The following SOX5 variants were observed in gnomAD, a reference collection of about 807,000 sequenced individuals.
The protein encoded by SOX5 is transcription factor SOX-5.
SOX5 carries 9 observed loss-of-function variants against 92.0 expected under a neutral mutation model. That is an observed-to-expected ratio of 0.10 (90% confidence interval 0.06 to 0.17). SOX5 has a LOEUF of 0.17. SOX5 is among the 10% of genes least tolerant of loss of function. The probability of loss-of-function intolerance (pLI) is 1.00; values close to 1 mark genes in which losing one functional copy is unlikely to be tolerated. For missense variants in SOX5, 642 were observed against 944.5 expected (o/e 0.68, Z 4.20); for synonymous variants, 344 against 336.3 (o/e 1.02, Z -0.25).
At chr12:24,261,666 TTA>T (rs1208561640) in intron 3 of SOX5, among the ~76,000 whole-genome samples, 2 of 152,232 alleles carry the variant, frequency 1.3e-5, no homozygotes, top group Non-Finnish European at 2.9e-5. Context: ...ATTGACAGAC[TTA>T]TGTGTCGCTA....
At chr12:24,295,090 G>A (rs775008) in intron 2 of SOX5, among the ~76,000 whole-genome samples, 119,383 of 151,888 alleles carry the variant, frequency 0.79, 47,220 homozygotes, top group East Asian at 0.98. Context: ...CATGTATAAG[G>A]TATATATATG....
chr12:24,525,332 T>C (rs1348658837), intron 1 of SOX5, among the ~76,000 whole-genome samples: 3 of 152,072 alleles, frequency 2.0e-5, no homozygotes, highest in African/African-American at 4.8e-5. Flanking sequence ...TCTAAAATAG[T>C]CAAATTCCTA....
chr12:24,391,138 C>T lies in SOX5; in HGVS notation c.-250-22499G>A, dbSNP rs1449859050. Among the ~76,000 whole-genome samples the T allele has an allele frequency of 7.2e-5, 11 of 152,216 alleles. 1 individual carries two copies. The South Asian group carries it at 2.3e-3, about 32-fold the overall frequency. On this transcript the variant is annotated intron_variant, in intron 1 of 4. Transcript: ENST00000446891. ...CATTTTGACTGGTGTGAGATGGTAT[C>T]TCACTGTGGTTTTAATTTGCATTTC...
intron 8 of SOX5, among the ~76,000 whole-genome samples, chr12:23,637,301 C>A (rs1036094551): frequency 1.3e-5 from 2 of 152,068 alleles, no homozygotes; most frequent in Admixed American, 6.6e-5. Context: ...TTTATCACTA[C>A]CTACTTAAAA....
At chr12:23,837,272 T>G (rs10842233) in intron 3 of SOX5, among the ~76,000 whole-genome samples, 12,883 of 65,816 alleles carry the variant, frequency 0.2, 1,496 homozygotes, top group African/African-American at 0.31. Flanking sequence ...TAATATATAA[T>G]ATGTATTTAT....
chr12:23,743,263 A>G (rs957077027), intron 4 of SOX5, among the ~76,000 whole-genome samples: 2 of 152,224 alleles, frequency 1.3e-5, no homozygotes, highest in South Asian at 4.1e-4. Context: ...CTACATATTA[A>G]TAGTAGCTAT....
chr12:23,899,680 T>C (rs1355933784), intron 1 of SOX5, among the ~76,000 whole-genome samples: 1 of 152,222 alleles, frequency 6.6e-6, no homozygotes, highest in Non-Finnish European at 1.5e-5. Context: ...ACACTGGTCT[T>C]AGCTCACTTT....
intron 2 of SOX5, among the ~76,000 whole-genome samples, chr12:24,327,745 G>C (rs552570930): frequency 6.6e-6 from 1 of 151,708 alleles, no homozygotes; most frequent in African/African-American, 2.4e-5. Context: ...CACCACGCCC[G>C]GCTAATTTTT....
rs1037466797 is a variant in SOX5 at position 24,511,933 on chromosome 12, G to A, written c.-251+50396C>T. 4.0e-5 allele frequency among the ~76,000 whole-genome samples: 6 copies of A among 149,318 alleles called. No individual in the cohort carries two copies. The East Asian group carries it at 1.2e-3, about 30-fold the overall frequency. Reference sequence around the variant, plus strand: ...AGATCGTGCCACTGCACTCCAGCCTGGGCAACAGAGTGAGACTCCATCTCA... The same window carrying A: ...AGATCGTGCCACTGCACTCCAGCCTAGGCAACAGAGTGAGACTCCATCTCA... On this transcript the variant is annotated intron_variant, in intron 1 of 4. Coordinates refer to the SOX5 transcript ENST00000446891.
intron 1 of SOX5, among the ~76,000 whole-genome samples, chr12:23,912,838 T>C (rs1309484191): frequency 1.3e-5 from 2 of 151,382 alleles, no homozygotes; most frequent in African/African-American, 4.9e-5. Flanking sequence ...GGTATGGGGG[T>C]GGGGAGGGGA....
At chr12:24,215,199 A>C (rs1257075617) in intron 3 of SOX5, among the ~76,000 whole-genome samples, 1 of 152,144 alleles carries the variant, frequency 6.6e-6, no homozygotes, top group African/African-American at 2.4e-5. Flanking sequence ...AGGAACAAGA[A>C]TGTTTGCTCA....
At chr12:24,289,207 G>C (rs1946290766) in intron 2 of SOX5, among the ~76,000 whole-genome samples, 1 of 151,978 alleles carries the variant, frequency 6.6e-6, no homozygotes, top group South Asian at 2.1e-4. Flanking sequence ...CTTGAGCCCA[G>C]GAGGAGGAGG....
At chr12:23,683,386 T>A (rs2086957612) in intron 6 of SOX5, among the ~76,000 whole-genome samples, 1 of 151,948 alleles carries the variant, frequency 6.6e-6, no homozygotes, top group Non-Finnish European at 1.5e-5. Context: ...TCGGTTCATG[T>A]TCTTGAATTA....
At chr12:23,719,802 A>AAC (rs1210096368) in intron 6 of SOX5, among the ~76,000 whole-genome samples, 8 of 150,044 alleles carry the variant, frequency 5.3e-5, no homozygotes, top group Non-Finnish European at 1.0e-4. Flanking sequence ...AAAAAAAAAA[A>AAC]AAAAAAAAAC....
chr12:23,640,993 G>A, intron 7 of SOX5, 96 bp from the exon 8 acceptor site: 1 of 808,674 alleles, frequency 1.2e-6, no homozygotes, highest in South Asian at 1.6e-5. Flanking sequence ...GCCTTCTTTT[G>A]TGTGCCTTGC....
At chr12:23,658,206 A>G (rs541360648) in intron 7 of SOX5, among the ~76,000 whole-genome samples, 2 of 152,342 alleles carry the variant, frequency 1.3e-5, no homozygotes, top group East Asian at 3.9e-4. Context: ...TTGCCACAAC[A>G]AAGACATATC....
chr12:24,506,340 A>G (rs1036746926), intron 1 of SOX5, among the ~76,000 whole-genome samples: 2 of 152,194 alleles, frequency 1.3e-5, no homozygotes, highest in Non-Finnish European at 2.9e-5. Flanking sequence ...AGAGATTAAA[A>G]AGAAAAAAAT....
chr12:23,673,962 A>C lies in SOX5; in HGVS notation c.811-8398T>G, dbSNP rs561311838. Among the ~76,000 whole-genome samples, 15 of 152,192 alleles carry C rather than the reference A, an allele frequency of 9.9e-5. No individual in the cohort carries two copies. In the East Asian group the frequency reaches 1.5e-3, roughly 16 times the overall value. ...AAAAAACCATAGCAAGTAAAAAACAACTTACAAAAATATATAACTTCACTA... is the reference window on the plus strand; with the variant it reads ...AAAAAACCATAGCAAGTAAAAAACACCTTACAAAAATATATAACTTCACTA... On this transcript the variant is annotated intron_variant, in intron 6 of 14. Transcript: ENST00000451604.
At chr12:24,446,967 C>T (rs771201278) in intron 1 of SOX5, among the ~76,000 whole-genome samples, 9 of 152,174 alleles carry the variant, frequency 5.9e-5, no homozygotes, top group Non-Finnish European at 1.2e-4. Context: ...AAATAGCATA[C>T]TCTTGTATCA....
Sources: gnomAD v4.1 joint callset for allele counts (sites outside exome capture counted in the v4.1 genomes callset) on GRCh38, gnomAD v4.1.1 for gene constraint, MANE v1.5 for transcripts, NCBI Gene and HGNC (gene_info 2026-07-23, HGNC 2026-07-21) for gene names.